NCOA1: variants seen among roughly 807,000 people sequenced by gnomAD.
NCOA1 encodes the protein nuclear receptor coactivator 1.
In NCOA1, 35 loss-of-function variants were observed where a neutral mutation model predicts 150.9. That is an observed-to-expected ratio of 0.23 (90% confidence interval 0.18 to 0.31). The LOEUF (loss-of-function observed/expected upper bound fraction) is 0.31, where lower values mean the gene tolerates loss of function less well. NCOA1 is among the 10% of genes least tolerant of loss of function. The pLI, the probability that NCOA1 is intolerant of heterozygous loss-of-function variation, is 1.00. For missense variants in NCOA1, 1,491 were observed against 1,749.3 expected (o/e 0.85, Z 2.63); for synonymous variants, 590 against 630.0 (o/e 0.94, Z 0.95).
intron 3 of NCOA1, among the ~76,000 whole-genome samples, chr2:24,620,056 T>C (rs1669055944): frequency 6.6e-6 from 1 of 152,148 alleles, no homozygotes; most frequent in Admixed American, 6.5e-5. Flanking sequence ...TCGTTCCTCA[T>C]ACTTACTGTA....
At chr2:24,624,537 A>G (rs1465604916) in intron 3 of NCOA1, among the ~76,000 whole-genome samples, 2 of 152,148 alleles carry the variant, frequency 1.3e-5, no homozygotes, top group Admixed American at 6.5e-5. Context: ...CTCCCTGCCT[A>G]CCAACCCTGC....
At chr2:24,549,404 G>T (rs1665736672) in intron 1 of NCOA1, among the ~76,000 whole-genome samples, 1 of 152,126 alleles carries the variant, frequency 6.6e-6, no homozygotes, top group South Asian at 2.1e-4. Flanking sequence ...TGCCACAAAG[G>T]TCTCTGACAT....
Position 24,769,007 on chromosome 2 carries a change from A to G in NCOA1, c.*616A>G. 1 of 213,088 alleles carries G rather than the reference A, an allele frequency of 4.7e-6. No individual in the cohort carries two copies. The highest frequency in any genetic ancestry group is 9.5e-6 in the Non-Finnish European group (1 of 105,054). The allele number at this position is 213,088 out of a possible 1,614,324, so 13.2% of individuals were successfully genotyped here. A position where few individuals can be genotyped will look rare whatever the true frequency, so the allele number is the denominator to read the frequency against. ...GATGGATTTAAACCAAGATGCCTCC[A>G]GGAAAGAGGACGAAATGAGTATATT... On this transcript the variant is annotated 3_prime_UTR_variant, in exon 23 of 23. Transcript: ENST00000348332.
Position 24,705,153 on chromosome 2 carries a change from C to T in NCOA1, c.1017C>T (p.Ser339=), listed in dbSNP as rs766755612. The T allele has an allele frequency of 1.7e-5, 27 of 1,613,892 alleles. No individual in the cohort carries two copies. The Admixed American group carries it at 1.8e-4, about 11-fold the overall frequency. ...TATTGAATGATGGGACAATGCTTAG[C>T]GCCCACACCAAGTGTAAACTTTGCT... The part of the protein sequence containing the change: ...RFILNDGTML[S]AHTKCKLCYP... Residue 339 remains serine (S), a synonymous_variant, in exon 12 of 23, where the codon AGC becomes AGT. Transcript: ENST00000348332.
intron 3 of NCOA1, among the ~76,000 whole-genome samples, chr2:24,605,560 C>T (rs1668328060): frequency 6.6e-6 from 1 of 152,116 alleles, no homozygotes; most frequent in Non-Finnish European, 1.5e-5. Context: ...TTGTGGTATG[C>T]ATGTGCAAAA....
intron 10 of NCOA1, among the ~76,000 whole-genome samples, chr2:24,694,247 T>C (rs1444768355): frequency 2.6e-5 from 4 of 152,220 alleles, no homozygotes; most frequent in Admixed American, 2.6e-4. Context: ...GTATTTTTCT[T>C]ATATTATTTG....
At chr2:24,516,029 CA>C (rs1664144822) in intron 1 of NCOA1, among the ~76,000 whole-genome samples, 1 of 152,088 alleles carries the variant, frequency 6.6e-6, no homozygotes, top group Admixed American at 6.5e-5. Flanking sequence ...TTAGCTCAGT[CA>C]GCAGGCAGTC....
chr2:24,657,124 C>T (rs188084426), intron 4 of NCOA1, among the ~76,000 whole-genome samples: 15 of 152,150 alleles, frequency 9.9e-5, no homozygotes, highest in African/African-American at 3.1e-4. Context: ...CATTTCTTCC[C>T]GGCACGGAAG....
intron 14 of NCOA1, among the ~76,000 whole-genome samples, chr2:24,721,586 C>G (rs908636124): frequency 1.3e-5 from 2 of 152,194 alleles, no homozygotes; most frequent in Non-Finnish European, 2.9e-5. Flanking sequence ...CCTAGCACCC[C>G]CTTTGGGAGA....
intron 3 of NCOA1, among the ~76,000 whole-genome samples, chr2:24,599,013 A>G (rs1324990521): frequency 2.6e-5 from 4 of 152,230 alleles, no homozygotes; most frequent in African/African-American, 2.4e-5. Context: ...TAGAAACAAA[A>G]TCCAAATAGA....
intron 2 of NCOA1, among the ~76,000 whole-genome samples, chr2:24,571,958 T>A (rs1341539407): frequency 6.6e-6 from 1 of 152,210 alleles, no homozygotes; most frequent in African/African-American, 2.4e-5. Flanking sequence ...TGAATTTCTT[T>A]GTGATACTTA....
chr2:24,611,327 A>G (rs1668615753), intron 3 of NCOA1, among the ~76,000 whole-genome samples: 1 of 152,166 alleles, frequency 6.6e-6, no homozygotes, highest in African/African-American at 2.4e-5. Flanking sequence ...CGTGTACCAC[A>G]TTTAATTTGT....
At chr2:24,499,133 A>G (rs1822299) in intron 1 of NCOA1, among the ~76,000 whole-genome samples, 142,187 of 152,296 alleles carry the variant, frequency 0.93, 66,480 homozygotes, top group East Asian at 1. Flanking sequence ...ATTTATTAAC[A>G]TATTCATTTT....
intron 11 of NCOA1, among the ~76,000 whole-genome samples, chr2:24,701,139 T>TTA (rs746827988): frequency 3.0e-4 from 45 of 151,564 alleles, no homozygotes; most frequent in East Asian, 9.7e-4. Flanking sequence ...AAAGTTCTGT[T>TTA]TATATATATA....
chr2:24,520,634 C>T (rs891003523), intron 1 of NCOA1, among the ~76,000 whole-genome samples: 11 of 152,092 alleles, frequency 7.2e-5, no homozygotes, highest in African/African-American at 2.7e-4. Context: ...ATAAGATGCA[C>T]AAGGAAACTT....
intron 3 of NCOA1, among the ~76,000 whole-genome samples, chr2:24,589,373 A>G (rs536534494): frequency 1.3e-5 from 2 of 152,106 alleles, no homozygotes; most frequent in Admixed American, 6.5e-5. Context: ...GCCTCTTGCT[A>G]TGGAATTACT....
At chr2:24,527,526 A>T (rs1664700891) in intron 1 of NCOA1, among the ~76,000 whole-genome samples, 1 of 152,180 alleles carries the variant, frequency 6.6e-6, no homozygotes, top group Non-Finnish European at 1.5e-5. Context: ...CACTGTGTAT[A>T]TATATGTACA....
At chr2:24,511,096 C>T (rs1381836770) in intron 1 of NCOA1, among the ~76,000 whole-genome samples, 2 of 152,154 alleles carry the variant, frequency 1.3e-5, no homozygotes, top group South Asian at 2.1e-4. Flanking sequence ...TGAAATCATA[C>T]AATATTTCAC....
At chr2:24,591,379 C>T (rs543052781) in intron 3 of NCOA1, among the ~76,000 whole-genome samples, 186 of 152,232 alleles carry the variant, frequency 1.2e-3, no homozygotes, top group African/African-American at 4.3e-3. Context: ...TCTCTCTGTG[C>T]CTTAGTTTCC....
Sources: gnomAD v4.1 joint callset for allele counts (sites outside exome capture counted in the v4.1 genomes callset) on GRCh38, gnomAD v4.1.1 for gene constraint, MANE v1.5 for transcripts, NCBI Gene and HGNC (gene_info 2026-07-23, HGNC 2026-07-21) for gene names.